Variants in CCDC148 observed in about 807,000 individuals in gnomAD.
The protein encoded by CCDC148 is coiled-coil domain-containing protein 148.
A neutral mutation model predicts 85.7 loss-of-function variants in CCDC148; 89 were observed. The ratio of observed to expected loss-of-function variants is 1.04; its 90% CI spans 0.87 to 1.24. The LOEUF is 1.24. CCDC148 is among the 50% of genes most tolerant of loss of function. The pLI, the probability that CCDC148 is intolerant of heterozygous loss-of-function variation, is 0.00. For synonymous variants in CCDC148, 230 were observed against 213.9 expected (o/e 1.08, Z -0.66); for missense variants, 692 against 671.7 (o/e 1.03, Z -0.33).
intron 1 of CCDC148, among the ~76,000 whole-genome samples, chr2:158,386,412 C>T (rs980654033): frequency 2.0e-5 from 3 of 152,064 alleles, no homozygotes; most frequent in Non-Finnish European, 4.4e-5. Context: ...ACTTTAACAC[C>T]TACTGCAGTA....
rs148612083 is a variant in CCDC148, at chr2:158,386,182, T to C, written c.26-27612A>G. Among the ~76,000 whole-genome samples the C allele has an allele frequency of 5.7e-3, 872 of 152,170 alleles. 8 individuals carry two copies. The highest frequency in any genetic ancestry group is 0.02 in the African/African-American group (830 of 41,518). On this transcript the variant is annotated intron_variant, in intron 1 of 13. Coordinates refer to ENST00000283233, the MANE Select transcript of CCDC148 (RefSeq NM_138803.4). ...AAGAGAGCACCTGTTGCATACATTA[T>C]AACACTATAAAATAGCTGCTATTAG...
chr2:158,316,343 G>A (rs1036706690), intron 7 of CCDC148, among the ~76,000 whole-genome samples: 5 of 152,146 alleles, frequency 3.3e-5, no homozygotes, highest in African/African-American at 1.2e-4. Context: ...TTTATACATT[G>A]CCTGAATGTA....
rs970890585 is a variant in CCDC148, at chr2:158,198,577, C to T, written c.1371-19581G>A. ...GATTTTACACACACGTCATTTCATG[C>T]CTTTGTTTTCTTTCCTAATGATGCC... On this transcript the variant is annotated intron_variant, in intron 11 of 13. Transcript: ENST00000283233. Among the ~76,000 whole-genome samples, 9 of 152,254 alleles carry T rather than the reference C, an allele frequency of 5.9e-5. No individual in the cohort carries two copies. In the South Asian group the frequency reaches 1.9e-3, roughly 32 times the overall value.
chr2:158,429,204 G>A (rs1467860048), intron 1 of CCDC148, among the ~76,000 whole-genome samples: 1 of 152,064 alleles, frequency 6.6e-6, no homozygotes, highest in African/African-American at 2.4e-5. Context: ...GTTAATGGGT[G>A]CAGCACACCA....
chr2:158,221,890 G>A (rs1687202804), intron 10 of CCDC148, among the ~76,000 whole-genome samples: 1 of 152,130 alleles, frequency 6.6e-6, no homozygotes, highest in African/African-American at 2.4e-5. Context: ...AAGATGGAGA[G>A]AGAGAGAGAG....
chr2:158,180,853 A>C (rs1477855562), intron 11 of CCDC148, among the ~76,000 whole-genome samples: 1 of 152,130 alleles, frequency 6.6e-6, no homozygotes, highest in African/African-American at 2.4e-5. Flanking sequence ...ATTTAGAAGG[A>C]AAATCCTAAC....
chr2:158,172,198 G>A lies in CCDC148; in HGVS notation c.1691C>T (p.Thr564Ile), dbSNP rs143247186. The A allele has an allele frequency of 1.5e-5, 24 of 1,609,066 alleles. No individual in the cohort carries two copies. Among genetic ancestry groups the A allele is most frequent in the Non-Finnish European group, 2.0e-5 (23 of 1,177,176 alleles). ...TGGTAATATCTCTTTAGCATAAAGT[G>A]TTCTATGAAGTCCAGCTTCTCGAAG... is the stretch of plus-strand genomic sequence containing the variant. ...LALREAGLHRTLYAKEILPKI... is the reference protein window; with the variant it reads ...LALREAGLHRILYAKEILPKI... Residue 564 changes from threonine to isoleucine, a missense_variant, in exon 14 of 14, where the codon ACA becomes ATA. Physicochemically the swap from Thr to Ile is moderately conservative, Grantham distance 89. Coordinates refer to ENST00000283233, the MANE Select transcript of CCDC148 (RefSeq NM_138803.4).
chr2:158,282,139 G>C (rs1324248648), intron 9 of CCDC148, among the ~76,000 whole-genome samples: 3 of 151,482 alleles, frequency 2.0e-5, no homozygotes, highest in Admixed American at 6.6e-5. Flanking sequence ...AAAATAATAA[G>C]AGCTATCTAT....
chr2:158,367,462 T>C (rs1193128695), intron 1 of CCDC148, among the ~76,000 whole-genome samples: 2 of 152,186 alleles, frequency 1.3e-5, no homozygotes, highest in African/African-American at 4.8e-5. Context: ...TCATTTTTCT[T>C]GGCATTGAGA....
At chr2:158,347,145 A>G (rs947140081) in intron 2 of CCDC148, among the ~76,000 whole-genome samples, 2 of 152,202 alleles carry the variant, frequency 1.3e-5, no homozygotes, top group East Asian at 1.9e-4. Context: ...CCAGCCATTT[A>G]CCATACACAG....
intron 7 of CCDC148, among the ~76,000 whole-genome samples, chr2:158,332,545 T>C (rs957997440): frequency 6.7e-6 from 1 of 148,996 alleles, no homozygotes; most frequent in Non-Finnish European, 1.5e-5. Flanking sequence ...ATGCTGGCCT[T>C]ATAAAATGAG....
chr2:158,367,503 G>A (rs185686555), intron 1 of CCDC148, among the ~76,000 whole-genome samples: 9 of 152,200 alleles, frequency 5.9e-5, no homozygotes, highest in African/African-American at 1.9e-4. Flanking sequence ...AACAAAATAG[G>A]ATTTTGCAGA....
intron 1 of CCDC148, among the ~76,000 whole-genome samples, chr2:158,434,258 C>T (rs1232214007): frequency 2.6e-5 from 4 of 152,116 alleles, no homozygotes; most frequent in Admixed American, 1.3e-4. Flanking sequence ...CCAGGTGCCC[C>T]TCTGAGACGA....
intron 9 of CCDC148, among the ~76,000 whole-genome samples, chr2:158,279,494 G>A (rs1690151335): frequency 6.6e-6 from 1 of 152,226 alleles, no homozygotes; most frequent in South Asian, 2.1e-4. Context: ...AGCCTCAGGA[G>A]CCGATGTGAT....
chr2:158,178,824 T>C, intron 12 of CCDC148, 55 bp downstream of exon 12: 1 of 1,255,626 alleles, frequency 8.0e-7, no homozygotes, highest in East Asian at 2.4e-5. Flanking sequence ...TTAAGAGCAC[T>C]TAGAAACATT....
chr2:158,193,515 T>C (rs1685515869), intron 11 of CCDC148, among the ~76,000 whole-genome samples: 2 of 151,982 alleles, frequency 1.3e-5, no homozygotes, highest in South Asian at 2.1e-4. Flanking sequence ...CTTGCTCCTC[T>C]AGAAACGTTT....
rs760522061 is a variant in CCDC148, at chr2:158,340,696, T to C, written c.252-16A>G. 1 of 1,372,148 alleles carries C rather than the reference T, an allele frequency of 7.3e-7. No individual in the cohort carries two copies. The highest frequency in any genetic ancestry group is 2.3e-5 in the East Asian group (1 of 42,888). 85.0% of individuals were successfully genotyped at this position (1,372,148 alleles called of 1,614,324 possible). Reference sequence around the variant, plus strand: ...CATTTTACATCTGAAATAGATGTGATCTCAATAAATGTTACAATCATAAAC... The same window carrying C: ...CATTTTACATCTGAAATAGATGTGACCTCAATAAATGTTACAATCATAAAC... On this transcript the variant is annotated splice_polypyrimidine_tract_variant and intron_variant, in intron 3 of 13. Transcript: ENST00000283233.
At chr2:158,182,733 G>A (rs1043869890) in intron 11 of CCDC148, among the ~76,000 whole-genome samples, 1 of 152,046 alleles carries the variant, frequency 6.6e-6, no homozygotes, top group African/African-American at 2.4e-5. Context: ...AGATGCTATG[G>A]TTTAAACTCA....
intron 11 of CCDC148, among the ~76,000 whole-genome samples, chr2:158,184,475 A>G (rs1685061924): frequency 6.6e-6 from 1 of 152,182 alleles, no homozygotes; most frequent in African/African-American, 2.4e-5. Context: ...GAGTTTACAT[A>G]ATTTGTGGTC....
Sources: allele counts gnomAD v4.1 joint callset (sites outside exome capture counted in the v4.1 genomes callset), GRCh38; gene constraint gnomAD v4.1.1; transcripts MANE v1.5; gene names NCBI Gene and HGNC (gene_info 2026-07-23, HGNC 2026-07-21).